Variants in PRKCQ observed in about 807,000 individuals in gnomAD.
PRKCQ encodes protein kinase C theta type.
PRKCQ carries 41 observed loss-of-function variants against 91.2 expected under a neutral mutation model. The observed-to-expected ratio is 0.45, with a 90% CI of 0.35 to 0.58. PRKCQ has a LOEUF of 0.58. PRKCQ is among the 20% of genes least tolerant of loss of function. The probability of loss-of-function intolerance (pLI) is 0.00; values close to 1 mark genes in which losing one functional copy is unlikely to be tolerated. For synonymous variants in PRKCQ, 307 were observed against 316.9 expected (o/e 0.97, Z 0.33); for missense variants, 673 against 896.5 (o/e 0.75, Z 3.18).
At chr10:6,482,120 A>G (rs1234969799) in intron 11 of PRKCQ, among the ~76,000 whole-genome samples, 1 of 151,210 alleles carries the variant, frequency 6.6e-6, no homozygotes, top group African/African-American at 2.4e-5. Context: ...TTTCTCCACA[A>G]TTTTTTTCCA....
Position 6,501,052 on chromosome 10 carries a change from A to G in PRKCQ, c.380-2494T>C, listed in dbSNP as rs149430065. On this transcript the variant is annotated intron_variant, in intron 4 of 17. Transcript: ENST00000263125. ...AGGAAAACCTGGACAATATCACATC[A>G]GGCAAGCTGAAAAGAAATGAAGTTT... Among the ~76,000 whole-genome samples the G allele has an allele frequency of 2.6e-5, 4 of 152,342 alleles. No individual in the cohort carries two copies. The East Asian group carries it at 7.7e-4, about 29-fold the overall frequency.
chr10:6,574,652 T>C (rs994956631), intron 1 of PRKCQ, among the ~76,000 whole-genome samples: 1 of 152,150 alleles, frequency 6.6e-6, no homozygotes, highest in Non-Finnish European at 1.5e-5. Flanking sequence ...ACTTTGCAAA[T>C]GGAGAGAATG....
downstream of PRKCQ, among the ~76,000 whole-genome samples, chr10:6,422,192 G>T (rs12775953): frequency 0.047 from 7,127 of 152,202 alleles, 253 homozygotes; most frequent in East Asian, 0.12. Flanking sequence ...ATGTTAGTGG[G>T]TACCTATTCC....
chr10:6,518,666 C>G (rs893862538), intron 1 of PRKCQ, among the ~76,000 whole-genome samples: 1 of 151,984 alleles, frequency 6.6e-6, no homozygotes, highest in African/African-American at 2.4e-5. Context: ...TACAAAAATA[C>G]AGCAATTAGC....
chr10:6,452,606 C>A (rs1159320926), intron 15 of PRKCQ, among the ~76,000 whole-genome samples: 1 of 149,736 alleles, frequency 6.7e-6, no homozygotes. Context: ...AAAGAACCCG[C>A]ATCACCAAGT....
At chr10:6,448,624 G>T (rs998242208) in intron 15 of PRKCQ, among the ~76,000 whole-genome samples, 1 of 151,996 alleles carries the variant, frequency 6.6e-6, no homozygotes, top group South Asian at 2.1e-4. Context: ...AGCCACTATG[G>T]TCTTGATCTC....
At chr10:6,540,128 A>G (rs1056650662) in intron 1 of PRKCQ, among the ~76,000 whole-genome samples, 2 of 152,172 alleles carry the variant, frequency 1.3e-5, no homozygotes, top group Non-Finnish European at 2.9e-5. Context: ...GGTCTTGATC[A>G]TCTTTGCCCA....
At chr10:6,528,789 A>G (rs1303838626) in intron 1 of PRKCQ, among the ~76,000 whole-genome samples, 2 of 152,250 alleles carry the variant, frequency 1.3e-5, no homozygotes, top group Non-Finnish European at 2.9e-5. Flanking sequence ...ACATGAATGC[A>G]TAGAGTTTTC....
chr10:6,554,366 G>A (rs1220032168), intron 1 of PRKCQ, among the ~76,000 whole-genome samples: 1 of 149,238 alleles, frequency 6.7e-6, no homozygotes, highest in East Asian at 2.0e-4. Flanking sequence ...CTGAATTAGG[G>A]GAGATATGTT....
At chr10:6,467,385 C>CAGAGAGAGAG (rs1564324292) in intron 12 of PRKCQ, among the ~76,000 whole-genome samples, 2 of 39,498 alleles carry the variant, frequency 5.1e-5, no homozygotes, top group African/African-American at 1.2e-4. Flanking sequence ...CAGAGAGAGA[C>CAGAGAGAGAG]AGACAGAGAG....
intron 13 of PRKCQ, among the ~76,000 whole-genome samples, chr10:6,463,733 A>G (rs1418673127): frequency 6.6e-6 from 1 of 152,200 alleles, no homozygotes; most frequent in Non-Finnish European, 1.5e-5. Flanking sequence ...TTTTACTTGC[A>G]TGTCATGGGG....
At chr10:6,412,648 C>T in the PRKCQ span, among the ~76,000 whole-genome samples, 1 of 152,290 alleles carries the variant, frequency 6.6e-6, no homozygotes, top group Middle Eastern at 3.4e-3. Flanking sequence ...GGGGGAAGGA[C>T]AGATCCATTC....
At chr10:6,477,408 C>T (rs1215669794) in intron 12 of PRKCQ, among the ~76,000 whole-genome samples, 1 of 152,228 alleles carries the variant, frequency 6.6e-6, no homozygotes, top group Non-Finnish European at 1.5e-5. Context: ...GGTTATTGCA[C>T]ATATGCTGAG....
chr10:6,490,676 T>C (rs888822723), intron 8 of PRKCQ, among the ~76,000 whole-genome samples: 1 of 151,636 alleles, frequency 6.6e-6, no homozygotes, highest in African/African-American at 2.4e-5. Context: ...GTCCAAGAAG[T>C]CAAGTCTGCA....
chr10:6,477,284 T>C (rs929210858), intron 12 of PRKCQ, among the ~76,000 whole-genome samples: 1 of 152,214 alleles, frequency 6.6e-6, no homozygotes, highest in African/African-American at 2.4e-5. Flanking sequence ...TCGGGAGCTG[T>C]ATTATATACT....
At chr10:6,445,137 A>AG in intron 15 of PRKCQ, among the ~76,000 whole-genome samples, 1 of 151,230 alleles carries the variant, frequency 6.6e-6, no homozygotes, top group Non-Finnish European at 1.5e-5. Flanking sequence ...AAAAAAAAAA[A>AG]AAAAAAAAAA....
At chr10:6,513,919 C>T (rs1333715360) in intron 2 of PRKCQ, among the ~76,000 whole-genome samples, 1 of 152,168 alleles carries the variant, frequency 6.6e-6, no homozygotes, top group Admixed American at 6.5e-5. Flanking sequence ...CACATCCCTG[C>T]CCCCAGTCCC....
chr10:6,527,092 A>G (rs1404585924), intron 1 of PRKCQ, among the ~76,000 whole-genome samples: 1 of 152,242 alleles, frequency 6.6e-6, no homozygotes, highest in Non-Finnish European at 1.5e-5. Context: ...AGATGGGAGC[A>G]CTGCGGGAAG....
chr10:6,479,059 T>C lies in PRKCQ; in HGVS notation c.1286A>G (p.Lys429Arg). 6.2e-7 allele frequency: 1 copy of C among 1,614,224 alleles called. No homozygotes were observed. Residue 429 changes from lysine (K) to arginine (R), a missense_variant, in exon 12 of 18, where the codon AAG becomes AGG. Lys to Arg is a conservative substitution (Grantham distance 26). Transcript: ENST00000263125. ...CTCCCAGGCCAAGGAAAGAACTCTC[T>C]TCTCTACCATCGTGCACTCAACATC... ...DDDVECTMVE[K>R]RVLSLAWEHP...
Sources: gnomAD v4.1 joint callset for allele counts (sites outside exome capture counted in the v4.1 genomes callset) on GRCh38, gnomAD v4.1.1 for gene constraint, MANE v1.5 for transcripts, NCBI Gene and HGNC (gene_info 2026-07-23, HGNC 2026-07-21) for gene names.